The following NUDC variants were observed in gnomAD, a reference collection of about 807,000 sequenced individuals.
NUDC encodes nuclear migration protein nudC.
NUDC carries 14 observed loss-of-function variants against 45.0 expected under a neutral mutation model. That is an observed-to-expected ratio of 0.31 (90% CI 0.21 to 0.49). The LOEUF (loss-of-function observed/expected upper bound fraction) is 0.49. Among genes scored for constraint, NUDC ranks in the 20% least tolerant of loss-of-function variants. NUDC has a pLI of 0.99. For missense variants in NUDC, 323 were observed against 426.2 expected (o/e 0.76, Z 2.13); for synonymous variants, 153 against 156.7 (o/e 0.98, Z 0.17).
At chr1:26,934,131 G>A (rs756347847) in intron 2 of NUDC, among the ~76,000 whole-genome samples, 30 of 152,298 alleles carry the variant, frequency 2.0e-4, no homozygotes, top group African/African-American at 5.3e-4. Context: ...CCAGCCTGTC[G>A]AGAGAGCGAG....
intron 2 of NUDC, among the ~76,000 whole-genome samples, chr1:26,909,014 G>C (rs549335746): frequency 2.8e-4 from 43 of 151,786 alleles, no homozygotes; most frequent in Non-Finnish European, 4.4e-4. Context: ...TCACTCTGTC[G>C]CCCAAGCTGG....
chr1:26,939,270 A>G (rs2082258942), intron 2 of NUDC, among the ~76,000 whole-genome samples: 1 of 152,064 alleles, frequency 6.6e-6, no homozygotes, highest in African/African-American at 2.4e-5. Context: ...CACCTGCCTC[A>G]TCTTCCCAAA....
upstream of NUDC, among the ~76,000 whole-genome samples, chr1:26,921,192 G>C (rs960227646): frequency 1.3e-5 from 2 of 152,020 alleles, no homozygotes; most frequent in Non-Finnish European, 2.9e-5. Context: ...TGAAAATGTG[G>C]GTCTCCTTAT....
chr1:26,940,835 G>A (rs1236602776), intron 2 of NUDC, among the ~76,000 whole-genome samples: 3 of 152,124 alleles, frequency 2.0e-5, no homozygotes, highest in African/African-American at 4.8e-5. Context: ...ACAGGCGCAC[G>A]CCACCGCGCC....
chr1:26,928,675 T>A (rs996091343), intron 2 of NUDC, among the ~76,000 whole-genome samples: 2 of 152,136 alleles, frequency 1.3e-5, no homozygotes, highest in Admixed American at 6.6e-5. Context: ...GCAGTCTTGG[T>A]GACAGAGCAG....
chr1:26,921,316 C>T (rs2082089209), upstream of NUDC, among the ~76,000 whole-genome samples: 2 of 152,178 alleles, frequency 1.3e-5, no homozygotes, highest in South Asian at 4.1e-4. Flanking sequence ...GAAGCTGGCC[C>T]TAGTCAAGTA....
At chr1:26,929,560 A>T (rs1189402796) in intron 2 of NUDC, 1 of 203,880 alleles carries the variant, frequency 4.9e-6, no homozygotes, top group East Asian at 1.2e-4. Flanking sequence ...GCCATTTTAT[A>T]TAAGGGACTT....
At chr1:26,944,800 G>A (rs1327843503) in intron 6 of NUDC, among the ~76,000 whole-genome samples, 1 of 151,528 alleles carries the variant, frequency 6.6e-6, no homozygotes, top group Non-Finnish European at 1.5e-5. Flanking sequence ...CAACACTTTG[G>A]GAGACTGAGG....
chr1:26,919,207 C>G (rs1222249419), upstream of NUDC, among the ~76,000 whole-genome samples: 4 of 151,938 alleles, frequency 2.6e-5, no homozygotes, highest in African/African-American at 9.7e-5. Context: ...TCTCAGCCTT[C>G]TGAGTAGCTG....
chr1:26,900,462 A>G (rs2081972553), intron 1 of NUDC: 1 of 1,591,454 alleles, frequency 6.3e-7, no homozygotes, highest in East Asian at 2.2e-5. Flanking sequence ...TCACATGATC[A>G]GCTAGAACCA....
At chr1:26,930,710 CAAA>C (rs35636381) in intron 2 of NUDC, among the ~76,000 whole-genome samples, 22 of 111,660 alleles carry the variant, frequency 2.0e-4, no homozygotes, top group Non-Finnish European at 2.0e-4. Context: ...AACCCTGTCT[CAAA>C]AAAAAAAAAA....
In NUDC at chr1:26,945,594, C is replaced by T. The variant is rs766853841; in HGVS notation, c.852C>T (p.Arg284=). Residue 284 remains arginine, a synonymous_variant, in exon 8 of 9, where the codon CGC becomes CGT. Coordinates refer to ENST00000321265, the MANE Select transcript of NUDC (RefSeq NM_006600.4). The part of the protein sequence containing the change: ...SKLSDLDSET[R]SMVEKMMYDQ... ...TGTCAGACCTGGACAGTGAGACTCG[C>T]AGCATGGTGGAAAAGATGATGTATG... 1 of 1,614,178 alleles carries T rather than the reference C, an allele frequency of 6.2e-7. No individual in the cohort carries two copies. The highest frequency in any genetic ancestry group is 8.5e-7 in the Non-Finnish European group (1 of 1,180,024).
chr1:26,920,280 A>G (rs1222965200), upstream of NUDC, among the ~76,000 whole-genome samples: 2 of 152,114 alleles, frequency 1.3e-5, no homozygotes, highest in Non-Finnish European at 2.9e-5. Context: ...ACTTGAGGTC[A>G]GGAGTTTGAA....
chr1:26,944,211 A>G (rs2082301459), intron 6 of NUDC, among the ~76,000 whole-genome samples: 1 of 149,364 alleles, frequency 6.7e-6, no homozygotes, highest in Non-Finnish European at 1.5e-5. Context: ...TGCCTTTTAA[A>G]TTTATTTTTT....
At chr1:26,904,270 C>A (rs1369988980) in intron 2 of NUDC, among the ~76,000 whole-genome samples, 1 of 150,368 alleles carries the variant, frequency 6.7e-6, no homozygotes, top group African/African-American at 2.4e-5. Flanking sequence ...CGGGTTCAGG[C>A]CATTCTCCTG....
At chr1:26,944,775 T>TC (rs1374085551) in intron 6 of NUDC, among the ~76,000 whole-genome samples, 1 of 150,742 alleles carries the variant, frequency 6.6e-6, no homozygotes, top group Non-Finnish European at 1.5e-5. Flanking sequence ...ACATGGTGGC[T>TC]CACACCTGTA....
At position 26,921,943 on chromosome 1, in the gene NUDC, C is replaced by T. The variant is rs1204825525; in HGVS notation, c.81+14C>T. The T allele has an allele frequency of 1.9e-6, 3 of 1,549,006 alleles. No homozygotes were observed. Among genetic ancestry groups the T allele is most frequent in the East Asian group, 2.4e-5 (1 of 40,898 alleles). On this transcript the variant is annotated intron_variant, in intron 1 of 8. Transcript: ENST00000321265. ...GGCGTGCAGGAGGTAACGGCCCGCG[C>T]GGCGTCGGCCCACCCGGCGGCCTTG...
At position 26,921,808 on chromosome 1, in the gene NUDC, C is replaced by T. The variant is rs143346917; in HGVS notation, c.-41C>T. 1,359 of 1,542,836 alleles carry T rather than the reference C, an allele frequency of 8.8e-4. 15 individuals carry two copies. The African/African-American group carries it at 0.015, about 17-fold the overall frequency. ...CCGCAGGAGCGTAGAGAGCGCGGGACTAGAGTGCAGAGCTCCGGGACGTGG... is the reference window on the plus strand; with the variant it reads ...CCGCAGGAGCGTAGAGAGCGCGGGATTAGAGTGCAGAGCTCCGGGACGTGG... On this transcript the variant is annotated 5_prime_UTR_variant, in exon 1 of 9. Transcript: ENST00000321265.
At chr1:26,922,911 G>C (rs1013253193) in intron 1 of NUDC, among the ~76,000 whole-genome samples, 16 of 152,242 alleles carry the variant, frequency 1.1e-4, no homozygotes, top group Admixed American at 9.8e-4. Flanking sequence ...TAAACTGTTC[G>C]CACAAAACTG....
Sources: gnomAD v4.1 joint callset for allele counts (sites outside exome capture counted in the v4.1 genomes callset) on GRCh38, gnomAD v4.1.1 for gene constraint, MANE v1.5 for transcripts, NCBI Gene and HGNC (gene_info 2026-07-23, HGNC 2026-07-21) for gene names.